Variants in NELFA observed in about 807,000 individuals in gnomAD.
NELFA encodes negative elongation factor complex member A.
In NELFA, 35 loss-of-function variants were observed where a neutral mutation model predicts 51.8. The observed-to-expected ratio is 0.68, with a 90% CI of 0.52 to 0.90. The LOEUF is 0.90. Ranked by LOEUF, NELFA falls within the 40% of genes least tolerant of loss-of-function variation. The pLI is 0.00. For missense variants in NELFA, 658 were observed against 746.4 expected (o/e 0.88, Z 1.38); for synonymous variants, 417 against 338.4 (o/e 1.23, Z -2.55).
intron 9 of NELFA, 36 bp from the exon 10 acceptor site, chr4:1,983,731 C>G: frequency 6.2e-7 from 1 of 1,610,326 alleles, no homozygotes; most frequent in Non-Finnish European, 8.5e-7. Flanking sequence ...GCCAGGGCCC[C>G]GCCAGGACCA....
intron 1 of NELFA, among the ~76,000 whole-genome samples, chr4:1,996,280 A>G (rs1053853533): frequency 6.6e-6 from 1 of 152,240 alleles, no homozygotes; most frequent in Non-Finnish European, 1.5e-5. Flanking sequence ...TTTCTAAATT[A>G]CACAGGGATC....
intron 1 of NELFA, among the ~76,000 whole-genome samples, chr4:2,006,129 T>A (rs564013171): frequency 3.3e-5 from 5 of 152,218 alleles, no homozygotes; most frequent in Non-Finnish European, 5.9e-5. Context: ...TAGTGGGTTA[T>A]TAGCACATCG....
chr4:1,989,903 C>G lies in NELFA; in HGVS notation c.383-34G>C. 6.2e-7 allele frequency: 1 copy of G among 1,601,416 alleles called. No homozygotes were observed. The highest frequency in any genetic ancestry group is 1.1e-5 in the South Asian group (1 of 89,392). On this transcript the variant is annotated intron_variant, in intron 2 of 10. Coordinates refer to ENST00000382882, the MANE Select transcript of NELFA (RefSeq NM_005663.5). The surrounding 1 kb of genome is among the most constrained non-coding windows in gnomAD (Gnocchi z 4.8). Reference sequence around the variant, plus strand: ...AAGAACCACATGAAGTTAGGGGCGCCCAGGCCGCAGACCTCCCGGCTGAGA... The same window carrying G: ...AAGAACCACATGAAGTTAGGGGCGCGCAGGCCGCAGACCTCCCGGCTGAGA...
In NELFA at chr4:1,983,966, A is replaced by G. The variant is rs1193031828; in HGVS notation, c.1184T>C (p.Leu395Pro). Residue 395 changes from leucine (L) to proline (P), a missense_variant, in exon 9 of 11, where the codon CTG becomes CCG. Around this residue, in one of 3 missense-constraint regions of NELFA, gnomAD observed 200 missense variants for 167.9 expected, o/e 1.19. Coordinates refer to ENST00000382882, the MANE Select transcript of NELFA (RefSeq NM_005663.5). ...GACAGCCGGAGGTGTGGTGGGTGTC[A>G]GAGGCGAGGTGGGCGCCGCAGGCGT... Reference protein sequence around the residue: ...TPTPAAPTSPLTPTTPPAVAP... With the variant: ...TPTPAAPTSPPTPTTPPAVAP... The G allele has an allele frequency of 6.2e-7, 1 of 1,610,322 alleles. No homozygotes were observed. Among genetic ancestry groups the G allele is most frequent in the Non-Finnish European group, 8.5e-7 (1 of 1,179,320 alleles).
rs2109058135 is a variant in NELFA at position 1,989,291 on chromosome 4, A to G, written c.544+417T>C. On this transcript the variant is annotated intron_variant, in intron 3 of 10. Coordinates refer to ENST00000382882, the MANE Select transcript of NELFA (RefSeq NM_005663.5). This position sits in a 1 kb window ranked among gnomAD's most constrained non-coding sequence, Gnocchi z 4.8. ...GCATGTTTTCAGAACATAAAGTTTA[A>G]TATAGTGATAAACTTCTAACAAAAA... Among the ~76,000 whole-genome samples, 1 of 151,838 alleles carries G rather than the reference A, an allele frequency of 6.6e-6. No individual in the cohort carries two copies. Among genetic ancestry groups the G allele is most frequent in the Non-Finnish European group, 1.5e-5 (1 of 67,940 alleles).
At chr4:2,008,624 G>A in intron 1 of NELFA, 126 bp downstream of exon 1, 3 of 1,126,252 alleles carry the variant, frequency 2.7e-6, no homozygotes, top group Admixed American at 2.4e-5. Context: ...GGGCCGGGGG[G>A]GTTAACAGTC....
rs1198692319 is a variant in NELFA at position 1,990,346 on chromosome 4, C to G, written c.383-477G>C. The G allele has an allele frequency of 6.6e-6, 3 of 455,906 alleles. No homozygotes were observed. The East Asian group carries it at 2.1e-4, about 32-fold the overall frequency. 28.2% of individuals were successfully genotyped at this position (455,906 alleles called of 1,614,324 possible). On this transcript the variant is annotated intron_variant, in intron 2 of 10. Coordinates refer to ENST00000382882, the MANE Select transcript of NELFA (RefSeq NM_005663.5). ...CATTTCCTCAGCCTGTGTGCTCACC[C>G]ACGGTTCAGATCCCAGAAACTGCCC...
intron 1 of NELFA, among the ~76,000 whole-genome samples, chr4:1,994,182 T>C (rs1178060192): frequency 6.6e-6 from 1 of 151,574 alleles, no homozygotes; most frequent in Non-Finnish European, 1.5e-5. Flanking sequence ...GGAGGATCAC[T>C]TGAGCCCAGG....
chr4:1,986,945 C>G (rs1381463240), intron 4 of NELFA, among the ~76,000 whole-genome samples: 2 of 152,140 alleles, frequency 1.3e-5, no homozygotes, highest in African/African-American at 2.4e-5. Flanking sequence ...ACGGCTGGCC[C>G]ACCCTCCCTG....
chr4:1,983,587 T>C lies in NELFA; in HGVS notation c.1402+9A>G, dbSNP rs768681851. ...CGGTGCACCCCCAGGCCCTGCCTTA[T>C]GAACATACCTCGGGAGCCGGCCATG... is the stretch of plus-strand genomic sequence containing the variant. On this transcript the variant is annotated intron_variant, in intron 10 of 10. Coordinates refer to ENST00000382882, the MANE Select transcript of NELFA (RefSeq NM_005663.5). 1.9e-6 allele frequency: 3 copies of C among 1,613,762 alleles called. No individual in the cohort carries two copies. The highest frequency in any genetic ancestry group is 2.5e-6 in the Non-Finnish European group (3 of 1,179,942).
chr4:2,003,642 A>G (rs1010835686), intron 1 of NELFA, among the ~76,000 whole-genome samples: 18 of 152,178 alleles, frequency 1.2e-4, no homozygotes, highest in Non-Finnish European at 1.2e-4. Context: ...AAAACCAAAC[A>G]TTGCATGTTC....
At position 1,983,442 on chromosome 4, in the gene NELFA, G is replaced by A. The variant is rs763268975; in HGVS notation, c.1464C>T (p.Asp488=). Residue 488 remains aspartate, a synonymous_variant, in exon 11 of 11, where the codon GAC becomes GAT. Coordinates refer to ENST00000382882, the MANE Select transcript of NELFA (RefSeq NM_005663.5). ...IQIKLSEHTE[D]LPKADGQGST... ...TACCCTGGCCGTCCGCCTTGGGCAG[G>A]TCCTCCGTGTGCTCGCTCAGCTTGA... 1.9e-6 allele frequency: 3 copies of A among 1,614,198 alleles called. No homozygotes were observed. The highest frequency in any genetic ancestry group is 4.5e-5 in the East Asian group (2 of 44,884).
intron 4 of NELFA, 169 bp downstream of exon 4, chr4:1,987,749 G>C: frequency 1.7e-6 from 1 of 595,592 alleles, no homozygotes; most frequent in Non-Finnish European, 2.9e-6. Context: ...TCCCCAAGGG[G>C]AGAAGCCGGT....
chr4:1,994,555 A>G (rs1728370845), intron 1 of NELFA, among the ~76,000 whole-genome samples: 1 of 149,982 alleles, frequency 6.7e-6, no homozygotes. Context: ...ACAGAGCAAG[A>G]GTCTGTCAAA....
At chr4:1,985,656 G>A (rs372992783) in intron 7 of NELFA, 120 bp downstream of exon 7, 22 of 728,758 alleles carry the variant, frequency 3.0e-5, no homozygotes, top group Middle Eastern at 2.4e-4. Flanking sequence ...CATAAATACA[G>A]ACTGCACACA....
Position 1,987,979 on chromosome 4 carries a change from C to A in NELFA, c.573G>T (p.Arg191=), listed in dbSNP as rs1393794261. 6.2e-7 allele frequency: 1 copy of A among 1,611,302 alleles called. No homozygotes were observed. The highest frequency in any genetic ancestry group is 1.7e-5 in the Admixed American group (1 of 59,952). The change falls in exon 4 of 11, where the codon CGG becomes CGT. Residue 191 remains arginine (R), a synonymous_variant. Transcript: ENST00000382882. ...TGGCGTGGAAGGGCACCCCGGCGCT[C>A]CGCTTCAACTGCTGGGCGGTCTCCG... The part of the protein sequence containing the change: ...KSTETAQQLK[R]SAGVPFHAKG...
At chr4:2,004,457 A>C (rs951447453) in intron 1 of NELFA, among the ~76,000 whole-genome samples, 7 of 152,098 alleles carry the variant, frequency 4.6e-5, no homozygotes, top group Admixed American at 6.6e-5. Context: ...TAAATGGTGA[A>C]CTACCTGGCA....
At chr4:2,000,526 T>C (rs1728543557) in intron 1 of NELFA, among the ~76,000 whole-genome samples, 1 of 152,124 alleles carries the variant, frequency 6.6e-6, no homozygotes, top group East Asian at 1.9e-4. Context: ...TAAACACCTC[T>C]ACACAAATAA....
At chr4:1,984,291 C>T (rs1728012828) in intron 8 of NELFA, among the ~76,000 whole-genome samples, 178 bp from the exon 9 acceptor site, 1 of 152,194 alleles carries the variant, frequency 6.6e-6, no homozygotes. Flanking sequence ...AGGAACAAGG[C>T]CAGTGGTCTC....
Sources: gnomAD v4.1 joint callset for allele counts (sites outside exome capture counted in the v4.1 genomes callset) on GRCh38, gnomAD v4.1.1 for gene constraint, gnomAD v4.1.1 regional missense constraint, Gnocchi (gnomAD v3.1) non-coding constraint, MANE v1.5 for transcripts, NCBI Gene and HGNC (gene_info 2026-07-23, HGNC 2026-07-21) for gene names.